THRB: variants seen among roughly 807,000 people sequenced by gnomAD.
The protein encoded by THRB is nuclear receptor subfamily 1 group A member 2.
A neutral mutation model predicts 47.8 loss-of-function variants in THRB; 12 were observed. The ratio of observed to expected loss-of-function variants is 0.25; its 90% CI spans 0.16 to 0.41. THRB has a LOEUF of 0.41. Among genes scored for constraint, THRB ranks in the 10% least tolerant of loss-of-function variants. The pLI is 1.00. For missense variants in THRB, 348 were observed against 589.2 expected (o/e 0.59, Z 4.24); for synonymous variants, 218 against 212.2 (o/e 1.03, Z -0.24).
At chr3:24,452,529 T>C (rs924991506) in intron 1 of THRB, among the ~76,000 whole-genome samples, 4 of 152,082 alleles carry the variant, frequency 2.6e-5, no homozygotes, top group African/African-American at 9.7e-5. Flanking sequence ...GTACATTCCT[T>C]TGGTCCTCAC....
chr3:24,284,039 C>A (rs1405191633), intron 3 of THRB, among the ~76,000 whole-genome samples: 3 of 134,798 alleles, frequency 2.2e-5, no homozygotes, highest in African/African-American at 7.9e-5. Context: ...CCATCCCCAC[C>A]AAGCTACCAA....
chr3:24,126,985 G>A (rs1184187926), intron 10 of THRB, among the ~76,000 whole-genome samples: 1 of 152,232 alleles, frequency 6.6e-6, no homozygotes, highest in African/African-American at 2.4e-5. Context: ...CTGAACCAGT[G>A]TTTGATGTCC....
intron 10 of THRB, among the ~76,000 whole-genome samples, chr3:24,125,702 G>A (rs1245352033): frequency 2.0e-5 from 3 of 152,190 alleles, no homozygotes; most frequent in African/African-American, 7.2e-5. Flanking sequence ...TATAGCTCCT[G>A]TCATGGGAAC....
chr3:24,152,319 C>T (rs2037084556), intron 6 of THRB, 71 bp downstream of exon 6: 1 of 812,120 alleles, frequency 1.2e-6, no homozygotes, highest in Non-Finnish European at 2.2e-6. Context: ...CTTAACATTG[C>T]ATTCTGGAAG....
intron 4 of THRB, among the ~76,000 whole-genome samples, chr3:24,213,581 G>A (rs2046277509): frequency 1.3e-5 from 2 of 152,172 alleles, no homozygotes; most frequent in African/African-American, 4.8e-5. Flanking sequence ...GAAAGGAGAC[G>A]ACAATACAAT....
intron 1 of THRB, among the ~76,000 whole-genome samples, chr3:24,389,800 T>C (rs970646112): frequency 1.3e-5 from 2 of 152,028 alleles, no homozygotes; most frequent in Non-Finnish European, 2.9e-5. Flanking sequence ...GCAGTGCTTA[T>C]AAAAATAGCT....
At chr3:24,466,316 A>G (rs1435415972) in intron 1 of THRB, among the ~76,000 whole-genome samples, 1 of 151,642 alleles carries the variant, frequency 6.6e-6, no homozygotes, top group East Asian at 1.9e-4. Flanking sequence ...ATTTTTCTCA[A>G]TTTTATCTTT....
At chr3:24,184,020 A>G (rs925561624) in intron 5 of THRB, among the ~76,000 whole-genome samples, 3 of 152,176 alleles carry the variant, frequency 2.0e-5, no homozygotes, top group Non-Finnish European at 4.4e-5. Context: ...TACTGAAACA[A>G]GTTTGATGTA....
rs74648450 is a variant in THRB at position 24,241,103 on chromosome 3, C to T, written c.-42-12102G>A. 1.9e-3 allele frequency among the ~76,000 whole-genome samples: 296 copies of T among 152,248 alleles called. 4 individuals are homozygous for T. The East Asian group carries it at 0.034, about 17-fold the overall frequency. On this transcript the variant is annotated intron_variant, in intron 3 of 10. Transcript: ENST00000646209. The stretch of plus-strand genomic sequence containing the variant: ...ACGCTCAACTCCTGTGGCAACAAAA[C>T]GGCAATGAGACACAATGGGAAGGGG...
intron 8 of THRB, among the ~76,000 whole-genome samples, chr3:24,141,830 G>A (rs2035490568): frequency 6.6e-6 from 1 of 152,216 alleles, no homozygotes; most frequent in African/African-American, 2.4e-5. Flanking sequence ...AGGCCTGGAA[G>A]TGGTTTCTAC....
chr3:24,323,654 C>T (rs1382980092), intron 2 of THRB, among the ~76,000 whole-genome samples: 1 of 152,154 alleles, frequency 6.6e-6, no homozygotes, highest in Non-Finnish European at 1.5e-5. Context: ...CCTGTGAGAT[C>T]AGAAACACCA....
intron 4 of THRB, among the ~76,000 whole-genome samples, chr3:24,215,972 A>G (rs2046522017): frequency 6.6e-6 from 1 of 152,238 alleles, no homozygotes; most frequent in Non-Finnish European, 1.5e-5. Flanking sequence ...ACTTAGCATG[A>G]GTTAGAAATA....
intron 3 of THRB, among the ~76,000 whole-genome samples, chr3:24,233,483 A>G (rs2048450608): frequency 9.0e-6 from 1 of 111,714 alleles, no homozygotes; most frequent in Admixed American, 8.8e-5. Flanking sequence ...AGAAATAAGA[A>G]AAGAAAAAAA....
chr3:24,439,628 C>A (rs529126096), intron 1 of THRB, among the ~76,000 whole-genome samples: 1 of 152,322 alleles, frequency 6.6e-6, no homozygotes, highest in South Asian at 2.1e-4. Flanking sequence ...ATTTGTACAT[C>A]TCAAGGAGAA....
intron 4 of THRB, among the ~76,000 whole-genome samples, chr3:24,202,191 G>T (rs533962728): frequency 6.6e-6 from 1 of 152,322 alleles, no homozygotes; most frequent in African/African-American, 2.4e-5. Context: ...ATGGCTCAGA[G>T]AGGTCACATT....
chr3:24,362,106 C>A (rs1290507405), intron 1 of THRB, among the ~76,000 whole-genome samples: 2 of 152,106 alleles, frequency 1.3e-5, no homozygotes, highest in Non-Finnish European at 2.9e-5. Flanking sequence ...CATTTATTCT[C>A]AAAACAATAG....
intron 5 of THRB, among the ~76,000 whole-genome samples, chr3:24,161,548 C>G (rs977869643): frequency 6.6e-6 from 1 of 150,700 alleles, no homozygotes; most frequent in Non-Finnish European, 1.5e-5. Flanking sequence ...GAAACATTCC[C>G]CAATTTGCTA....
intron 1 of THRB, among the ~76,000 whole-genome samples, chr3:24,428,990 T>A (rs2070083799): frequency 6.6e-6 from 1 of 151,822 alleles, no homozygotes; most frequent in Non-Finnish European, 1.5e-5. Flanking sequence ...AATAAATAAT[T>A]GTTTTGATAT....
intron 10 of THRB, among the ~76,000 whole-genome samples, chr3:24,125,678 C>T (rs1271663680): frequency 1.3e-5 from 2 of 152,298 alleles, no homozygotes; most frequent in African/African-American, 4.8e-5. Context: ...CCACCCTCAG[C>T]CCTAGAGGTC....
Sources: allele counts gnomAD v4.1 joint callset (sites outside exome capture counted in the v4.1 genomes callset), GRCh38; gene constraint gnomAD v4.1.1; transcripts MANE v1.5; gene names NCBI Gene and HGNC (gene_info 2026-07-23, HGNC 2026-07-21).